The following GEMIN5 variants were observed in gnomAD, a reference collection of about 807,000 sequenced individuals.
The protein encoded by GEMIN5 is gem-associated protein 5.
A neutral mutation model predicts 176.9 loss-of-function variants in GEMIN5; 124 were observed. The observed-to-expected ratio is 0.70, with a 90% CI of 0.61 to 0.81. The LOEUF (loss-of-function observed/expected upper bound fraction) is 0.81, where lower values mean the gene tolerates loss of function less well. Among genes scored for constraint, GEMIN5 ranks in the 40% least tolerant of loss-of-function variants. The probability of loss-of-function intolerance (pLI) is 0.00; values close to 1 mark genes in which losing one functional copy is unlikely to be tolerated. For synonymous variants in GEMIN5, 673 were observed against 665.2 expected (o/e 1.01, Z -0.18); for missense variants, 1,843 against 1,814.6 (o/e 1.02, Z -0.28).
intron 6 of GEMIN5, among the ~76,000 whole-genome samples, 155 bp from the exon 7 acceptor site, chr5:154,927,705 G>C (rs1264078727): frequency 1.3e-5 from 2 of 152,180 alleles, no homozygotes; most frequent in Admixed American, 1.3e-4. Context: ...AAATATCTCT[G>C]GGAAGGCTGG....
At chr5:154,904,882 C>A (rs1241338240) in intron 17 of GEMIN5, among the ~76,000 whole-genome samples, 1 of 152,150 alleles carries the variant, frequency 6.6e-6, no homozygotes, top group Non-Finnish European at 1.5e-5. Flanking sequence ...AAAAAAAATT[C>A]AAAAGCATGA....
chr5:154,914,036 T>A (rs139044743), intron 13 of GEMIN5, among the ~76,000 whole-genome samples: 19 of 152,256 alleles, frequency 1.2e-4, no homozygotes, highest in Middle Eastern at 3.4e-3. Flanking sequence ...ATTTTTTTTT[T>A]TTTGAGATGG....
At chr5:154,901,250 C>T (rs1234973534) in intron 21 of GEMIN5, 89 bp downstream of exon 21, 3 of 1,254,660 alleles carry the variant, frequency 2.4e-6, no homozygotes, top group Non-Finnish European at 3.4e-6. Context: ...AGGACTGTTT[C>T]TTCTATTTAT....
At chr5:154,937,852 TC>T in intron 1 of GEMIN5, 115 bp downstream of exon 1, 1 of 929,254 alleles carries the variant, frequency 1.1e-6, no homozygotes, top group Non-Finnish European at 1.5e-6. Flanking sequence ...CTGCCTCTCC[TC>T]CCAGCCTGGG....
Position 154,925,962 on chromosome 5 carries a change from C to T in GEMIN5, c.1193G>A (p.Gly398Asp). Residue 398 changes from glycine (G) to aspartate (D), a missense_variant, in exon 8 of 28, where the codon GGT becomes GAT. Gly to Asp is a moderately conservative substitution (Grantham distance 94, BLOSUM62 -1). Transcript: ENST00000285873. ...TACACGGATCATGCCATCCCCAACA[C>T]CTATGGCCAAAGAGCCTATGTCCAC... ...SSVDIGSLAIGVGDGMIRVWN... is the reference protein window; with the variant it reads ...SSVDIGSLAIDVGDGMIRVWN... 1 of 1,611,938 alleles carries T rather than the reference C, an allele frequency of 6.2e-7. No homozygotes were observed. Among genetic ancestry groups the T allele is most frequent in the Non-Finnish European group, 8.5e-7 (1 of 1,178,042 alleles).
At chr5:154,897,783 C>T (rs1763380058) in intron 23 of GEMIN5, among the ~76,000 whole-genome samples, 1 of 152,086 alleles carries the variant, frequency 6.6e-6, no homozygotes, top group African/African-American at 2.4e-5. Context: ...GGGGCATTTA[C>T]AGGTAGAGTT....
chr5:154,921,242 G>A, intron 10 of GEMIN5, 101 bp downstream of exon 10: 2 of 714,104 alleles, frequency 2.8e-6, no homozygotes, highest in South Asian at 1.5e-5. Flanking sequence ...TAAGCAGTCA[G>A]TGCACTAGAC....
At chr5:154,888,455 C>T in intron 27 of GEMIN5, 78 bp from the exon 28 acceptor site, 1 of 1,214,074 alleles carries the variant, frequency 8.2e-7, no homozygotes, top group East Asian at 2.4e-5. Flanking sequence ...AGGCACCAGT[C>T]ACTCAGGTTC....
chr5:154,894,339 GT>G (rs1763301783), intron 24 of GEMIN5, among the ~76,000 whole-genome samples: 3 of 152,186 alleles, frequency 2.0e-5, no homozygotes, highest in Admixed American at 6.5e-5. Flanking sequence ...GTTGTTTCTA[GT>G]TTTTGGCTAC....
chr5:154,902,629 T>G lies in GEMIN5; in HGVS notation c.2776A>C (p.Met926Leu), dbSNP rs767556592. ...CCTTTGAGATCTCCTTTCCAAAGCA[T>G]AAGCTGGTGAAATAACTCAGGGTGG... The part of the protein sequence containing the change: ...NGHPELFHQL[M>L]LWKGDLKGVL... Residue 926 changes from methionine to leucine, a missense_variant, in exon 20 of 28, where the codon ATG becomes CTG. Physicochemically the swap from Met to Leu is conservative, Grantham distance 15. Transcript: ENST00000285873. 1.9e-6 allele frequency: 3 copies of G among 1,613,938 alleles called. No individual in the cohort carries two copies. Among genetic ancestry groups the G allele is most frequent in the African/African-American group, 2.7e-5 (2 of 74,936 alleles).
chr5:154,904,449 T>C, intron 18 of GEMIN5, 58 bp downstream of exon 18: 10 of 1,435,518 alleles, frequency 7.0e-6, no homozygotes, highest in Non-Finnish European at 9.6e-6. Context: ...TAAGTAAACA[T>C]CCCTTATATA....
At chr5:154,905,993 C>T (rs991691770) in intron 16 of GEMIN5, among the ~76,000 whole-genome samples, 8 of 146,240 alleles carry the variant, frequency 5.5e-5, no homozygotes, top group Non-Finnish European at 1.2e-4. Context: ...TCCTGGCTTA[C>T]TTTTTTTTTT....
At chr5:154,914,887 T>G (rs545570526) in intron 13 of GEMIN5, among the ~76,000 whole-genome samples, 1 of 152,210 alleles carries the variant, frequency 6.6e-6, no homozygotes, top group Non-Finnish European at 1.5e-5. Flanking sequence ...AAAGCCAATA[T>G]GACAACACAT....
rs1764258473 is a variant in GEMIN5 at position 154,935,891 on chromosome 5, T to C, written c.459A>G (p.Thr153=). Residue 153 remains threonine, a synonymous_variant, in exon 3 of 28, where the codon ACA becomes ACG. Coordinates refer to ENST00000285873, the MANE Select transcript of GEMIN5 (RefSeq NM_015465.5). ...GAGGTGAACAAGTAAGACAGAAAAT[T>C]GTCCTGGGTTCTATAAAGAGGTGCT... The part of the protein sequence containing the change: ...DSQHLFIEPR[T]IFCLTCSPHH... The C allele has an allele frequency of 7.4e-6, 12 of 1,613,842 alleles. No homozygotes were observed. The highest frequency in any genetic ancestry group is 1.7e-4 in the Middle Eastern group (1 of 6,060).
rs200680023 is a variant in GEMIN5 at position 154,891,403 on chromosome 5, A to G, written c.4100T>C (p.Leu1367Pro). 165 of 1,613,970 alleles carry G rather than the reference A, an allele frequency of 1.0e-4. No homozygotes were observed. Among genetic ancestry groups the G allele is most frequent in the Non-Finnish European group, 1.4e-4 (162 of 1,180,024 alleles). The change falls in exon 26 of 28, where the codon CTC (leucine) becomes CCC (proline). Residue 1367 changes from leucine to proline, a missense_variant. Transcript: ENST00000285873. ...KELFSEKHASLQNSQRTVAEV... is the reference protein window; with the variant it reads ...KELFSEKHASPQNSQRTVAEV... ...AGCAACAGTTCTCTGTGAGTTTTGGAGACTGGCATGCTTTTCTGAAAAGAG... is the reference window on the plus strand; with the variant it reads ...AGCAACAGTTCTCTGTGAGTTTTGGGGACTGGCATGCTTTTCTGAAAAGAG...
chr5:154,902,576 C>A lies in GEMIN5; in HGVS notation c.2829G>T (p.Gly943=). ...TAGCCACAAGGTTGTCTGTCAGCTC[C>A]CCTCTTTCTGCTGCAGTCTGGAGAA... The part of the protein sequence containing the change: ...KGVLQTAAER[G]ELTDNLVAMA... The change falls in exon 20 of 28, where the codon GGG becomes GGT. Residue 943 remains glycine (G), a synonymous_variant. Transcript: ENST00000285873. 3 of 1,613,960 alleles carry A rather than the reference C, an allele frequency of 1.9e-6. No homozygotes were observed. Among genetic ancestry groups the A allele is most frequent in the Non-Finnish European group, 1.7e-6 (2 of 1,179,828 alleles).
In GEMIN5 at chr5:154,898,538, A is replaced by T; in HGVS notation, c.3247T>A (p.Leu1083Met). Residue 1083 changes from leucine (L) to methionine (M), a missense_variant, in exon 23 of 28, where the codon TTG (leucine) becomes ATG (methionine). By Grantham distance (15) the Leu-to-Met change is conservative. Coordinates refer to ENST00000285873, the MANE Select transcript of GEMIN5 (RefSeq NM_015465.5). ...ELAAIVGEDE[L>M]SASLALRCAQ... ...CATCTGAGAGCCAGGGAAGCAGACA[A>T]CTCATCCTCTCCTACGATGGCAGCC... 1 of 1,614,134 alleles carries T rather than the reference A, an allele frequency of 6.2e-7. No individual in the cohort carries two copies. The highest frequency in any genetic ancestry group is 8.5e-7 in the Non-Finnish European group (1 of 1,180,000).
chr5:154,919,866 G>C (rs1763886391), intron 11 of GEMIN5, 101 bp downstream of exon 11: 2 of 986,610 alleles, frequency 2.0e-6, no homozygotes, highest in Non-Finnish European at 1.5e-6. Flanking sequence ...GACTTAGTAT[G>C]ATGATGGTAA....
chr5:154,914,586 T>A (rs114254512), intron 13 of GEMIN5, among the ~76,000 whole-genome samples: 4,258 of 150,318 alleles, frequency 0.028, 94 homozygotes, highest in Non-Finnish European at 0.043. Context: ...GTCATATAGC[T>A]AACTGTAGCC....
Sources: allele counts gnomAD v4.1 joint callset (sites outside exome capture counted in the v4.1 genomes callset), GRCh38; gene constraint gnomAD v4.1.1; transcripts MANE v1.5; gene names NCBI Gene and HGNC (gene_info 2026-07-23, HGNC 2026-07-21).